TPP1: variants seen among roughly 807,000 people sequenced by gnomAD.
The protein encoded by TPP1 is tripeptidyl peptidase 1, also known as tripeptidyl-peptidase 1.
In TPP1, 43 loss-of-function variants were observed where a neutral mutation model predicts 67.6. The ratio of observed to expected loss-of-function variants is 0.64; its 90% CI spans 0.50 to 0.82. The LOEUF (loss-of-function observed/expected upper bound fraction) is 0.82, where lower values mean the gene tolerates loss of function less well. Ranked by LOEUF, TPP1 falls within the 40% of genes least tolerant of loss-of-function variation. The pLI, the probability that TPP1 is intolerant of heterozygous loss-of-function variation, is 0.00. For synonymous variants in TPP1, 272 were observed against 281.5 expected, an observed-to-expected ratio of 0.97 and a Z score of 0.34; for missense variants, 671 against 710.9, an observed-to-expected ratio of 0.94 and a Z score of 0.64.
rs1016169127 is a variant in TPP1, at chr11:6,614,925, G to T, written c.1492C>A (p.Pro498Thr). Residue 498 changes from proline (P) to threonine (T), a missense_variant, in exon 12 of 13, where the codon CCC becomes ACC. By Grantham distance (38) the Pro-to-Thr change is conservative (BLOSUM62 -1). Transcript: ENST00000299427. ...INEHRILSGR[P>T]PLGFLNPRLY... ...CTTGGGTTGAGAAAGCCAAGAGGGG[G>T]GCGGCCACTAAGGATCCTGTGCTCA... 4 of 1,613,974 alleles carry T rather than the reference G, an allele frequency of 2.5e-6. No homozygotes were observed. Among genetic ancestry groups the T allele is most frequent in the Non-Finnish European group, 3.4e-6 (4 of 1,180,040 alleles).
chr11:6,617,032 G>C lies in TPP1; in HGVS notation c.630C>G (p.Asn210Lys), dbSNP rs1372821670. The change falls in exon 6 of 13, where the codon AAC (asparagine) becomes AAG (lysine). Residue 210 changes from asparagine to lysine, a missense_variant. Coordinates refer to ENST00000299427, the MANE Select transcript of TPP1 (RefSeq NM_000391.4). ...VTPSVIRKRYNLTSQDVGSGT... is the reference protein window; with the variant it reads ...VTPSVIRKRYKLTSQDVGSGT... ...CAGAGCCCACGTCTTGTGAGGTCAA[G>C]TTGTATCGCTTACGGATCACAGAGG... is the stretch of plus-strand genomic sequence containing the variant. 6.2e-7 allele frequency: 1 copy of C among 1,614,066 alleles called. No homozygotes were observed. The highest frequency in any genetic ancestry group is 8.5e-7 in the Non-Finnish European group (1 of 1,180,036).
chr11:6,613,646 T>G lies in TPP1; in HGVS notation c.*900A>C, dbSNP rs1474437163. 1 of 152,650 alleles carries G rather than the reference T, an allele frequency of 6.6e-6. No individual in the cohort carries two copies. The highest frequency in any genetic ancestry group is 6.5e-5 in the Admixed American group (1 of 15,280). 9.5% of individuals were successfully genotyped at this position (152,650 alleles called of 1,614,324 possible). A position where few individuals can be genotyped will look rare whatever the true frequency, so the allele number is the denominator to read the frequency against. ...CTTGGGAAATATAATTGGAAGGACT[T>G]GTGGACTGATAAAGATATATTTAAG... On this transcript the variant is annotated 3_prime_UTR_variant, in exon 13 of 13. Coordinates refer to ENST00000299427, the MANE Select transcript of TPP1 (RefSeq NM_000391.4).
In TPP1 at chr11:6,615,307, A is replaced by T. The variant is rs780656523; in HGVS notation, c.1289T>A (p.Leu430Gln). Residue 430 changes from leucine to glutamine, a missense_variant, in exon 11 of 13, where the codon CTG becomes CAG. Leu to Gln is a moderately radical substitution (Grantham distance 113). Coordinates refer to ENST00000299427, the MANE Select transcript of TPP1 (RefSeq NM_000391.4). ...SYQEEAVTKF[L>Q]SSSPHLPPSS... ...TGGTGGCAGGTGGGGGCTAGAGCTC[A>T]GGAACTTCGTTACAGCTTCCTCCTG... The T allele has an allele frequency of 1.5e-5, 24 of 1,614,090 alleles. No homozygotes were observed. Among genetic ancestry groups the T allele is most frequent in the Non-Finnish European group, 2.0e-5 (24 of 1,180,048 alleles).
rs1055758421 is a variant in TPP1, at chr11:6,614,291, G to A, written c.*255C>T. ...TGAAAAGAGAAAGATGAGATGCGGAGGGAGAGGCATTCAAAAAATGCTAGT... is the reference window on the plus strand; with the variant it reads ...TGAAAAGAGAAAGATGAGATGCGGAAGGAGAGGCATTCAAAAAATGCTAGT... On this transcript the variant is annotated 3_prime_UTR_variant, in exon 13 of 13. Coordinates refer to ENST00000299427, the MANE Select transcript of TPP1 (RefSeq NM_000391.4). 7 of 559,088 alleles carry A rather than the reference G, an allele frequency of 1.3e-5. No homozygotes were observed. The highest frequency in any genetic ancestry group is 3.1e-5 in the Admixed American group (1 of 32,496). The allele number at this position is 559,088 out of a possible 1,614,324, so 34.6% of individuals were successfully genotyped here.
In TPP1 at chr11:6,616,031, C is replaced by G; in HGVS notation, c.1119G>C (p.Gln373His). 6.2e-7 allele frequency: 1 copy of G among 1,614,200 alleles called. No homozygotes were observed. Residue 373 changes from glutamine (Q) to histidine (H), a missense_variant, in exon 9 of 13, where the codon CAG becomes CAC. Transcript: ENST00000299427. ...AGCWSVSGRH[Q>H]FRPTFPASSP... ...TGGAGGCAGGGAAGGTAGGGCGGAA[C>G]TGGTGTCTTCCAGAGACAGACCAAC...
chr11:6,615,390 G>A, intron 10 of TPP1, 52 bp downstream of exon 10: 1 of 1,614,124 alleles, frequency 6.2e-7, no homozygotes, highest in Non-Finnish European at 8.5e-7. Context: ...GCTGAACTGA[G>A]GATCCCCCAT....
At chr11:6,618,229 C>G (rs1855615233) in intron 3 of TPP1, 1 of 332,454 alleles carries the variant, frequency 3.0e-6, no homozygotes, top group African/African-American at 2.1e-5. Flanking sequence ...TGCCCCGTCC[C>G]CAGCCTCTGC....
chr11:6,614,509 G>A lies in TPP1; in HGVS notation c.*37C>T. The A allele has an allele frequency of 6.2e-7, 1 of 1,614,048 alleles. No homozygotes were observed. ...ATAAGGGACTGAACTGCCAGCTTCA[G>A]GGCAGGGGACAAGCCATCTCTCCTG... On this transcript the variant is annotated 3_prime_UTR_variant, in exon 13 of 13. Transcript: ENST00000299427.
At chr11:6,619,348 G>A (rs1476020950) in intron 1 of TPP1, 36 bp downstream of exon 1, 3 of 1,614,172 alleles carry the variant, frequency 1.9e-6, no homozygotes, top group African/African-American at 2.7e-5. Context: ...TCCCTCCAAC[G>A]TGATCCCTTT....
Position 6,614,963 on chromosome 11 carries a change from A to G in TPP1, c.1454T>C (p.Leu485Pro). The G allele has an allele frequency of 6.2e-7, 1 of 1,614,200 alleles. No homozygotes were observed. The highest frequency in any genetic ancestry group is 8.5e-7 in the Non-Finnish European group (1 of 1,180,046). Residue 485 changes from leucine to proline, a missense_variant, in exon 12 of 13, where the codon CTA becomes CCA. By Grantham distance (98) the Leu-to-Pro change is moderately conservative. Transcript: ENST00000299427. ...SASTPVFGGI[L>P]SLINEHRILS... Reference sequence around the variant, plus strand: ...GATCCTGTGCTCATTGATCAAGGATAGGATCCCCCCAAACACTGGAGTAGA... The same window carrying G: ...GATCCTGTGCTCATTGATCAAGGATGGGATCCCCCCAAACACTGGAGTAGA...
rs532438658 is a variant in TPP1, at chr11:6,614,956, C to G, written c.1461G>C (p.Leu487Phe). 13 of 1,614,090 alleles carry G rather than the reference C, an allele frequency of 8.1e-6. No homozygotes were observed. The African/African-American group carries it at 1.7e-4, about 22-fold the overall frequency. Residue 487 changes from leucine to phenylalanine, a missense_variant, in exon 12 of 13, where the codon TTG becomes TTC. Leu to Phe is a conservative substitution (Grantham distance 22, BLOSUM62 0). Coordinates refer to ENST00000299427, the MANE Select transcript of TPP1 (RefSeq NM_000391.4). ...STPVFGGILS[L>F]INEHRILSGR... The stretch of plus-strand genomic sequence containing the variant: ...CACTAAGGATCCTGTGCTCATTGAT[C>G]AAGGATAGGATCCCCCCAAACACTG...
chr11:6,618,450 CAAG>C (rs760246020), intron 3 of TPP1: 2 of 549,508 alleles, frequency 3.6e-6, no homozygotes, highest in Non-Finnish European at 6.5e-6. Flanking sequence ...CAAAAGACGG[CAAG>C]AAGGAGATTA....
In TPP1 at chr11:6,615,234, T is replaced by A. The variant is rs141701073; in HGVS notation, c.1362A>T (p.Ala454=). The A allele has an allele frequency of 1.2e-6, 2 of 1,614,144 alleles. No individual in the cohort carries two copies. The highest frequency in any genetic ancestry group is 4.5e-5 in the East Asian group (2 of 44,882). ...ASGRAYPDVA[A]LSDGYWVVSN... ...TGACCACCCAGTAGCCATCAGAAAG[T>A]GCAGCCACATCTGGGTAGGCACGGC... Residue 454 remains alanine (A), a synonymous_variant, in exon 11 of 13, where the codon GCA becomes GCT. Transcript: ENST00000299427.
At chr11:6,614,791 T>C in intron 12 of TPP1, 75 bp downstream of exon 12, 1 of 1,613,734 alleles carries the variant, frequency 6.2e-7, no homozygotes, top group Non-Finnish European at 8.5e-7. Flanking sequence ...CACACCACCC[T>C]AACTGCCCCC....
Position 6,618,390 on chromosome 11 carries a change from G to GAGCTGGGC in TPP1, c.229+378_229+385dup, listed in dbSNP as rs1245687571. ...GGGAGGAGACTGCAGATCAGCTGGG[G>GAGCTGGGC]AGCTGGGCAGTAGTCCAGGAGTGGG... On this transcript the variant is annotated intron_variant, in intron 3 of 12. Transcript: ENST00000299427. 9.3e-6 allele frequency: 4 copies of GAGCTGGGC among 431,408 alleles called. No homozygotes were observed. The Admixed American group carries it at 1.6e-4, about 17-fold the overall frequency. The allele number at this position is 431,408 out of a possible 1,614,324, so 26.7% of individuals were successfully genotyped here. A position where few individuals can be genotyped will look rare whatever the true frequency, so the allele number is the denominator to read the frequency against.
chr11:6,616,949 A>G (rs1855595438), intron 6 of TPP1, 26 bp downstream of exon 6: 1 of 1,613,884 alleles, frequency 6.2e-7, no homozygotes, highest in Non-Finnish European at 8.5e-7. Flanking sequence ...GGCTATGAGG[A>G]CCCTGGGGCT....
Position 6,614,586 on chromosome 11 carries a change from G to C in TPP1, c.1652C>G (p.Pro551Arg), listed in dbSNP as rs1471166450. The C allele has an allele frequency of 1.2e-6, 2 of 1,613,984 alleles. No homozygotes were observed. Among genetic ancestry groups the C allele is most frequent in the African/African-American group, 2.7e-5 (2 of 74,884 alleles). Residue 551 changes from proline to arginine, a missense_variant, in exon 13 of 13, where the codon CCC becomes CGC. Physicochemically the swap from Pro to Arg is moderately radical, Grantham distance 103 (BLOSUM62 -2). Transcript: ENST00000299427. ...AGTCTTCAGCAAAGCTGGGAAGTTG[G>C]GTGTTCCCCAGCCTGTTACAGGATC... ...GWDPVTGWGT[P>R]NFPALLKTLL...
chr11:6,619,190 A>C lies in TPP1; in HGVS notation c.89+6T>G. ...GAAGGGGGCAGTCTGTGCTAAGTCAACTCACGTCCTCCGCTGGTCGGGCTC... is the reference window on the plus strand; with the variant it reads ...GAAGGGGGCAGTCTGTGCTAAGTCACCTCACGTCCTCCGCTGGTCGGGCTC... On this transcript the variant is annotated splice_donor_region_variant and intron_variant, in intron 2 of 12. Transcript: ENST00000299427. 6.2e-7 allele frequency: 1 copy of C among 1,614,008 alleles called. No homozygotes were observed.
At position 6,618,926 on chromosome 11, in the gene TPP1, A is replaced by G. The variant is rs1486313973; in HGVS notation, c.90-11T>C. ...CAGCCTGGGGGCAGCCTGTAGGGTC[A>G]GGGGTCAGGGACATGGCTTTGGTTA... On this transcript the variant is annotated splice_polypyrimidine_tract_variant and intron_variant, in intron 2 of 12. Transcript: ENST00000299427. The G allele has an allele frequency of 6.2e-7, 1 of 1,612,304 alleles. No homozygotes were observed. Among genetic ancestry groups the G allele is most frequent in the East Asian group, 2.2e-5 (1 of 44,888 alleles).
Sources: allele counts gnomAD v4.1 joint callset, GRCh38; gene constraint gnomAD v4.1.1; transcripts MANE v1.5; gene names NCBI Gene and HGNC (gene_info 2026-07-23, HGNC 2026-07-21).